Variants in SLC23A2 observed in about 807,000 individuals in gnomAD.
SLC23A2 encodes the protein solute carrier family 23 member 2.
In SLC23A2, 36 loss-of-function variants were observed where a neutral mutation model predicts 73.3. The observed-to-expected ratio is 0.49, with a 90% CI of 0.38 to 0.65. The LOEUF (loss-of-function observed/expected upper bound fraction) is 0.65. Among genes scored for constraint, SLC23A2 ranks in the 30% least tolerant of loss-of-function variants. The probability of loss-of-function intolerance (pLI) is 0.00; values close to 1 mark genes in which losing one functional copy is unlikely to be tolerated. For missense variants in SLC23A2, 507 were observed against 841.6 expected, an observed-to-expected ratio of 0.60 and a Z score of 4.92; for synonymous variants, 343 against 327.3, an observed-to-expected ratio of 1.05 and a Z score of -0.52.
intron 1 of SLC23A2, among the ~76,000 whole-genome samples, chr20:4,975,682 G>A (rs1208131891): frequency 7.0e-6 from 1 of 142,040 alleles, no homozygotes; most frequent in Non-Finnish European, 1.5e-5. Flanking sequence ...TGCCCCGCCT[G>A]TTTTTTTTTT....
At chr20:4,944,104 T>G (rs2087082413) in intron 2 of SLC23A2, among the ~76,000 whole-genome samples, 1 of 152,222 alleles carries the variant, frequency 6.6e-6, no homozygotes. Context: ...TTGCTCTATG[T>G]AAACACTATC....
At chr20:4,880,905 A>T (rs1038142495) in intron 9 of SLC23A2, among the ~76,000 whole-genome samples, 1 of 152,148 alleles carries the variant, frequency 6.6e-6, no homozygotes, top group African/African-American at 2.4e-5. Flanking sequence ...GGGAGAGAGG[A>T]GGACCCCTGG....
intron 2 of SLC23A2, among the ~76,000 whole-genome samples, chr20:4,948,041 C>T (rs2087144686): frequency 6.6e-6 from 1 of 152,300 alleles, no homozygotes; most frequent in South Asian, 2.1e-4. Context: ...CTCTTTCCAG[C>T]ACAGTCCCTG....
At position 4,883,474 on chromosome 20, in the gene SLC23A2, C is replaced by T. The variant is rs1427296197; in HGVS notation, c.824+168G>A. On this transcript the variant is annotated intron_variant, in intron 9 of 16. Transcript: ENST00000338244. The surrounding 1 kb of genome is among the most constrained non-coding windows in gnomAD (Gnocchi z 4.5). ...GTAATACGTCAACTATATGTCACTT[C>T]CCAAACTCTGGGTCAAAAACCCTTC... 6.6e-6 allele frequency among the ~76,000 whole-genome samples: 1 copy of T among 152,200 alleles called. No homozygotes were observed.
intron 5 of SLC23A2, among the ~76,000 whole-genome samples, chr20:4,900,060 GGGTTTTCACCGTGTT>G (rs1931689245): frequency 6.6e-6 from 1 of 151,844 alleles, no homozygotes; most frequent in Admixed American, 6.6e-5. Flanking sequence ...TTGTAGCGAT[GGGTTTTCACCGTGTT>G]GGCAAAGCTG....
intron 3 of SLC23A2, among the ~76,000 whole-genome samples, chr20:4,926,510 CTTTT>C (rs3055953): frequency 1.9e-5 from 2 of 105,048 alleles, no homozygotes; most frequent in Non-Finnish European, 3.9e-5. Context: ...ATTTTTTTTG[CTTTT>C]TTTTTTTTTT....
At chr20:4,951,973 C>A (rs1033107985) in intron 2 of SLC23A2, among the ~76,000 whole-genome samples, 1 of 151,534 alleles carries the variant, frequency 6.6e-6, no homozygotes, top group Non-Finnish European at 1.5e-5. Flanking sequence ...TGTGATGGCA[C>A]GTGCCTGTAA....
At position 4,868,001 on chromosome 20, in the gene SLC23A2, G is replaced by A; in HGVS notation, c.1251-126C>T. The A allele has an allele frequency of 8.4e-6, 3 of 355,284 alleles. No homozygotes were observed. The East Asian group carries it at 1.4e-4, about 16-fold the overall frequency. The allele number at this position is 355,284 out of a possible 1,614,324, so 22.0% of individuals were successfully genotyped here. On this transcript the variant is annotated intron_variant, in intron 12 of 16. Transcript: ENST00000338244. The surrounding 1 kb of genome is among the most constrained non-coding windows in gnomAD (Gnocchi z 4.4). ...AGCCTGCAGCTTCCACATCTCCTGG[G>A]AGCTGGGAGGGCGATTAAAAATACA...
intron 1 of SLC23A2, among the ~76,000 whole-genome samples, chr20:4,982,861 T>G (rs2087747991): frequency 1.3e-5 from 2 of 152,012 alleles, no homozygotes; most frequent in South Asian, 4.1e-4. Context: ...ATCCCAGCAC[T>G]TTGGGAGGCC....
At chr20:4,985,474 G>C (rs538776278) in intron 1 of SLC23A2, among the ~76,000 whole-genome samples, 2 of 151,038 alleles carry the variant, frequency 1.3e-5, no homozygotes, top group Admixed American at 1.3e-4. Context: ...TTGAGACAGG[G>C]TCTCGCTCTA....
intron 3 of SLC23A2, among the ~76,000 whole-genome samples, chr20:4,918,327 T>A (rs1378146085): frequency 6.6e-6 from 1 of 152,234 alleles, no homozygotes; most frequent in Non-Finnish European, 1.5e-5. Context: ...ACTCGTGGCC[T>A]TAAGTTTTGT....
At chr20:4,993,460 C>T (rs1543452) in intron 1 of SLC23A2, among the ~76,000 whole-genome samples, 50,249 of 147,072 alleles carry the variant, frequency 0.34, 9,247 homozygotes, top group Admixed American at 0.4. Context: ...ACTTTCTAGT[C>T]ATAAGCACTT....
chr20:4,906,220 G>A (rs147475514), intron 4 of SLC23A2, among the ~76,000 whole-genome samples: 101 of 152,018 alleles, frequency 6.6e-4, no homozygotes, highest in African/African-American at 2.4e-3. Flanking sequence ...ACATGCCAGT[G>A]ATCACCCGCT....
chr20:4,925,688 C>T (rs1319555402), intron 3 of SLC23A2, among the ~76,000 whole-genome samples: 1 of 152,224 alleles, frequency 6.6e-6, no homozygotes, highest in Non-Finnish European at 1.5e-5. Flanking sequence ...GACCTCTCCT[C>T]AGCATCCCTG....
intron 2 of SLC23A2, among the ~76,000 whole-genome samples, chr20:4,969,396 G>A (rs1402822562): frequency 6.6e-6 from 1 of 152,094 alleles, no homozygotes; most frequent in African/African-American, 2.4e-5. Context: ...GCCTTTATTA[G>A]AAGTCTTAAA....
chr20:4,999,890 T>G (rs547869832), intron 1 of SLC23A2, among the ~76,000 whole-genome samples: 1 of 152,230 alleles, frequency 6.6e-6, no homozygotes, highest in African/African-American at 2.4e-5. Flanking sequence ...GAGAAATGCC[T>G]TGGTATTAAA....
At chr20:4,968,705 G>A (rs2087513208) in intron 2 of SLC23A2, among the ~76,000 whole-genome samples, 1 of 150,322 alleles carries the variant, frequency 6.7e-6, no homozygotes, top group African/African-American at 2.4e-5. Context: ...TCATTAAAAA[G>A]GTCAGGATGT....
intron 9 of SLC23A2, among the ~76,000 whole-genome samples, chr20:4,876,866 G>T (rs1171517237): frequency 6.6e-6 from 1 of 152,170 alleles, no homozygotes; most frequent in Non-Finnish European, 1.5e-5. Flanking sequence ...CTTGTCCCCA[G>T]ACATGAACAG....
intron 4 of SLC23A2, among the ~76,000 whole-genome samples, chr20:4,909,680 A>G (rs1026427858): frequency 6.6e-6 from 1 of 152,078 alleles, no homozygotes; most frequent in African/African-American, 2.4e-5. Flanking sequence ...CAGCCTCCCA[A>G]GTAGCTGGGA....
Sources: gnomAD v4.1 joint callset for allele counts (sites outside exome capture counted in the v4.1 genomes callset) on GRCh38, gnomAD v4.1.1 for gene constraint, Gnocchi (gnomAD v3.1) non-coding constraint, MANE v1.5 for transcripts, NCBI Gene and HGNC (gene_info 2026-07-23, HGNC 2026-07-21) for gene names.